GLT1D1: variants seen among roughly 807,000 people sequenced by gnomAD.
The protein encoded by GLT1D1 is glycosyltransferase 1 domain containing 1, also known as glycosyltransferase 1 domain-containing protein 1.
GLT1D1 carries 21 observed loss-of-function variants against 28.7 expected under a neutral mutation model. The ratio of observed to expected loss-of-function variants is 0.73; its 90% CI spans 0.52 to 1.05. GLT1D1 has a LOEUF of 1.05. Among genes scored for constraint, GLT1D1 ranks in the 50% least tolerant of loss-of-function variants. The pLI is 0.00. For missense variants in GLT1D1, 343 were observed against 330.6 expected (o/e 1.04, Z -0.29); for synonymous variants, 147 against 124.8 (o/e 1.18, Z -1.19).
intron 7 of GLT1D1, among the ~76,000 whole-genome samples, chr12:128,976,689 A>G (rs1879795779): frequency 6.6e-6 from 1 of 152,220 alleles, no homozygotes; most frequent in Admixed American, 6.5e-5. Context: ...GTCAGAATGT[A>G]ATGCTCTTTA....
At chr12:128,947,569 T>A in intron 6 of GLT1D1, 111 bp downstream of exon 10, 1 of 1,251,740 alleles carries the variant, frequency 8.0e-7, no homozygotes, top group Non-Finnish European at 1.2e-6. Context: ...TTCTCAAAGC[T>A]AAAAAGGCCA....
At chr12:128,967,504 A>G (rs1010387342) in intron 7 of GLT1D1, among the ~76,000 whole-genome samples, 1 of 152,140 alleles carries the variant, frequency 6.6e-6, no homozygotes, top group Non-Finnish European at 1.5e-5. Flanking sequence ...GGGCACATGC[A>G]CTATTGCCTC....
At chr12:128,933,693 C>T (rs1403222183) in intron 4 of GLT1D1, among the ~76,000 whole-genome samples, 1 of 152,062 alleles carries the variant, frequency 6.6e-6, no homozygotes, top group Non-Finnish European at 1.5e-5. Context: ...CAGATGCCAC[C>T]CTCTCAGACA....
At chr12:128,933,862 A>AT (rs1874214400) in intron 4 of GLT1D1, among the ~76,000 whole-genome samples, 1 of 152,152 alleles carries the variant, frequency 6.6e-6, no homozygotes, top group Non-Finnish European at 1.5e-5. Flanking sequence ...GAAGTTGACT[A>AT]TTTCCTGCAG....
intron 1 of GLT1D1, among the ~76,000 whole-genome samples, chr12:128,862,615 G>T (rs1956409515): frequency 6.6e-6 from 1 of 152,174 alleles, no homozygotes; most frequent in Non-Finnish European, 1.5e-5. Flanking sequence ...CTGCACTCCA[G>T]CTTGGGCAGC....
At chr12:128,943,405 C>T (rs529262016) in intron 4 of GLT1D1, among the ~76,000 whole-genome samples, 8 of 150,526 alleles carry the variant, frequency 5.3e-5, no homozygotes, top group Middle Eastern at 3.4e-3. Context: ...TTTATCAGGG[C>T]GGATCATACA....
chr12:128,874,128 T>TCTC (rs1566091531), intron 1 of GLT1D1, among the ~76,000 whole-genome samples: 17 of 46,554 alleles, frequency 3.7e-4, no homozygotes, highest in African/African-American at 6.5e-4. Context: ...CTCTCTCTCT[T>TCTC]TCTTTCTTTC....
Position 128,978,154 on chromosome 12 carries a change from A to G in GLT1D1, c.640-4775A>G, listed in dbSNP as rs555464805. Among the ~76,000 whole-genome samples, 7 of 151,924 alleles carry G rather than the reference A, an allele frequency of 4.6e-5. No individual in the cohort carries two copies. The South Asian group carries it at 1.2e-3, about 27-fold the overall frequency. ...TAGCCAAGCAGAAGATCCTGAGTGG[A>G]CACCCCCTCCTCCGGGGTTACAGTG... On this transcript the variant is annotated intron_variant, in intron 7 of 7. Coordinates refer to ENST00000281703, the MANE Select transcript of GLT1D1 (RefSeq NM_144669.3).
chr12:128,974,416 C>A (rs73424649), intron 7 of GLT1D1, among the ~76,000 whole-genome samples: 12,039 of 152,162 alleles, frequency 0.079, 1,031 homozygotes, highest in African/African-American at 0.18. Context: ...AGGAATAAAA[C>A]ACAGGTTCTC....
intron 7 of GLT1D1, among the ~76,000 whole-genome samples, chr12:128,981,868 A>G (rs1880348138): frequency 1.3e-5 from 2 of 152,248 alleles, no homozygotes; most frequent in South Asian, 2.1e-4. Context: ...TGGGGAGGGT[A>G]AGAAATTGAC....
In GLT1D1 at chr12:128,888,729, T is replaced by G. The variant is rs1342689989; in HGVS notation, c.308T>G (p.Val103Gly). 1.9e-6 allele frequency: 3 copies of G among 1,608,434 alleles called. No individual in the cohort carries two copies. The South Asian group carries it at 3.3e-5, about 18-fold the overall frequency. ...GAAAAAAACACAGTCATGGGCAGAG[T>G]TCTTGAGGAAGCCAGGTAATACCTG... is the stretch of plus-strand genomic sequence containing the variant. The change falls in exon 3 of 8, where the codon GTT becomes GGT. Residue 103 changes from valine (V) to glycine (G), a missense_variant. Physicochemically the swap from Val to Gly is moderately radical, Grantham distance 109 (BLOSUM62 -3). Coordinates refer to ENST00000281703, the MANE Select transcript of GLT1D1 (RefSeq NM_144669.3).
chr12:128,941,905 C>CTTTTTTTTTTTTTTTTTTTTTTT (rs60663875), intron 4 of GLT1D1, among the ~76,000 whole-genome samples: 108 of 75,350 alleles, frequency 1.4e-3, no homozygotes, highest in Non-Finnish European at 1.6e-3. Flanking sequence ...CTCTCTCTCT[C>CTTTTTTTTTTTTTTTTTTTTTTT]TTTTTTTTTT....
intron 7 of GLT1D1, among the ~76,000 whole-genome samples, chr12:128,968,247 G>A (rs990830914): frequency 1.6e-4 from 24 of 151,574 alleles, no homozygotes; most frequent in Non-Finnish European, 3.2e-4. Context: ...CGCCTGCCTC[G>A]GCCTCCCAAA....
chr12:128,877,306 G>A (rs1244378615), intron 2 of GLT1D1, among the ~76,000 whole-genome samples: 1 of 152,140 alleles, frequency 6.6e-6, no homozygotes, highest in African/African-American at 2.4e-5. Context: ...TGTCATTGGA[G>A]GATCAAAATT....
At chr12:128,981,186 C>T (rs1318647066) in intron 7 of GLT1D1, among the ~76,000 whole-genome samples, 1 of 152,178 alleles carries the variant, frequency 6.6e-6, no homozygotes, top group African/African-American at 2.4e-5. Flanking sequence ...CCCCCTCTCT[C>T]TTGCTTTATT....
chr12:128,974,429 A>G (rs56327019), intron 7 of GLT1D1, among the ~76,000 whole-genome samples: 40,191 of 151,912 alleles, frequency 0.26, 5,414 homozygotes, highest in Admixed American at 0.36. Flanking sequence ...AGGTTCTCCG[A>G]CGGTCAGTGA....
chr12:128,900,549 T>G (rs1330796016), intron 4 of GLT1D1, among the ~76,000 whole-genome samples: 1 of 152,008 alleles, frequency 6.6e-6, no homozygotes, highest in Non-Finnish European at 1.5e-5. Context: ...GGAGGTTGTA[T>G]TTCCTAGTGC....
rs569060696 is a variant in GLT1D1 at position 128,880,534 on chromosome 12, T to C, written c.217+4472T>C. Reference sequence around the variant, plus strand: ...TAAAAAGCACCAGAACCATTGTCAGTAAGAAGAGCTGTCCCTGTGCACCGT... The same window carrying C: ...TAAAAAGCACCAGAACCATTGTCAGCAAGAAGAGCTGTCCCTGTGCACCGT... On this transcript the variant is annotated intron_variant, in intron 2 of 7. Transcript: ENST00000281703. Among the ~76,000 whole-genome samples the C allele has an allele frequency of 8.5e-5, 13 of 152,296 alleles. No homozygotes were observed. In the South Asian group the frequency reaches 2.7e-3, roughly 32 times the overall value.
chr12:128,925,651 T>C (rs1873129374), intron 4 of GLT1D1, among the ~76,000 whole-genome samples: 1 of 151,034 alleles, frequency 6.6e-6, no homozygotes, highest in Admixed American at 6.6e-5. Flanking sequence ...TCTATGCATA[T>C]ATGAGTTCAT....
Sources: allele counts gnomAD v4.1 joint callset (sites outside exome capture counted in the v4.1 genomes callset), GRCh38; gene constraint gnomAD v4.1.1; transcripts MANE v1.5; gene names NCBI Gene and HGNC (gene_info 2026-07-23, HGNC 2026-07-21).